The following RGS22 variants were observed in gnomAD, a reference collection of about 807,000 sequenced individuals.
RGS22 encodes the protein regulator of G-protein signaling 22.
A neutral mutation model predicts 172.9 loss-of-function variants in RGS22; 148 were observed. The observed-to-expected ratio is 0.86, with a 90% CI of 0.75 to 0.98. The LOEUF (loss-of-function observed/expected upper bound fraction) is 0.98, where lower values mean the gene tolerates loss of function less well. Ranked by LOEUF, RGS22 falls within the 50% of genes least tolerant of loss-of-function variation. The probability of loss-of-function intolerance (pLI) is 0.00; values close to 1 mark genes in which losing one functional copy is unlikely to be tolerated. For synonymous variants in RGS22, 458 were observed against 480.2 expected (o/e 0.95, Z 0.60); for missense variants, 1,347 against 1,440.8 (o/e 0.93, Z 1.05).
chr8:100,085,999 T>C (rs1812132097), intron 3 of RGS22, among the ~76,000 whole-genome samples: 1 of 152,162 alleles, frequency 6.6e-6, no homozygotes, highest in African/African-American at 2.4e-5. Context: ...ACTATTAATA[T>C]ATTCTGGAAA....
intron 14 of RGS22, among the ~76,000 whole-genome samples, chr8:100,029,352 T>G (rs1818515082): frequency 6.6e-6 from 1 of 152,072 alleles, no homozygotes; most frequent in Non-Finnish European, 1.5e-5. Flanking sequence ...ACAGAAGAGA[T>G]AACTAATGCA....
chr8:100,015,623 A>G (rs1358350267), intron 14 of RGS22, among the ~76,000 whole-genome samples: 1 of 152,126 alleles, frequency 6.6e-6, no homozygotes, highest in African/African-American at 2.4e-5. Context: ...TACCATTCAT[A>G]GTATAATTTT....
chr8:99,985,100 T>C (rs1046939242), intron 21 of RGS22, among the ~76,000 whole-genome samples: 1 of 152,180 alleles, frequency 6.6e-6, no homozygotes, highest in Non-Finnish European at 1.5e-5. Flanking sequence ...CACAGCTTAG[T>C]GGTTAAGGGC....
At chr8:99,964,398 G>A (rs1810510896) in intron 24 of RGS22, among the ~76,000 whole-genome samples, 1 of 149,112 alleles carries the variant, frequency 6.7e-6, no homozygotes, top group Non-Finnish European at 1.5e-5. Context: ...AGGCTGCAAA[G>A]AGCCCTTGCA....
At chr8:99,962,509 A>G in intron 26 of RGS22, 66 bp from the exon 27 acceptor site, 2 of 1,542,382 alleles carry the variant, frequency 1.3e-6, no homozygotes, top group African/African-American at 1.4e-5. Flanking sequence ...AGAGGAACAG[A>G]GACAGAGAGA....
Position 100,038,935 on chromosome 8 carries a change from G to A in RGS22, c.2162C>T (p.Ala721Val), listed in dbSNP as rs150732363. 161 of 1,601,978 alleles carry A rather than the reference G, an allele frequency of 1.0e-4. No homozygotes were observed. The African/African-American group carries it at 1.6e-3, about 16-fold the overall frequency. The part of the protein sequence containing the change: ...TLQPFKVCKQ[A>V]QYLFATYVAP... ...CCAATATTATTTACTACGTACTTGC[G>A]CTTGCTTGCATACTTTAAAAGGCTG... Residue 721 changes from alanine to valine, a missense_variant, in exon 14 of 28, where the codon GCG becomes GTG. Transcript: ENST00000360863.
rs1554629620 is a variant in RGS22 at position 100,060,419 on chromosome 8, T to TATATATATATATATATATATAC, written c.1514+2171_1514+2172insGTATATATATATATATATATAT. Among the ~76,000 whole-genome samples the TATATATATATATATATATATAC allele has an allele frequency of 2.2e-4, 28 of 128,078 alleles. 1 individual carries two copies. Among genetic ancestry groups the TATATATATATATATATATATAC allele is most frequent in the African/African-American group, 7.5e-4 (27 of 35,980 alleles). The allele number at this position is 128,078 out of a possible 152,430, so 84.0% of individuals were successfully genotyped here. A position where few individuals can be genotyped will look rare whatever the true frequency, so the allele number is the denominator to read the frequency against. ...AGCTACGTGTATATATATATATATA[T>TATATATATATATATATATATAC]ATACACACACACACACACACACGCA... On this transcript the variant is annotated intron_variant, in intron 9 of 27. Transcript: ENST00000360863.
intron 17 of RGS22, 61 bp from the exon 18 acceptor site, chr8:100,002,425 A>G: frequency 6.7e-7 from 1 of 1,492,310 alleles, no homozygotes; most frequent in East Asian, 2.4e-5. Context: ...ATTCTAGTAA[A>G]CACCCGATTG....
chr8:99,993,999 A>G (rs1814064358), intron 20 of RGS22, among the ~76,000 whole-genome samples: 1 of 152,228 alleles, frequency 6.6e-6, no homozygotes, highest in Non-Finnish European at 1.5e-5. Context: ...ACATAAACAG[A>G]AACAATCACA....
At chr8:100,044,262 G>GT (rs1820471963) in intron 11 of RGS22, among the ~76,000 whole-genome samples, 1 of 152,088 alleles carries the variant, frequency 6.6e-6, no homozygotes, top group Non-Finnish European at 1.5e-5. Flanking sequence ...TCGTTTGTTT[G>GT]TTTTTTGAGA....
intron 18 of RGS22, among the ~76,000 whole-genome samples, chr8:100,000,181 G>A (rs1355353796): frequency 6.6e-6 from 1 of 152,088 alleles, no homozygotes; most frequent in African/African-American, 2.4e-5. Context: ...ACCTGTTTCT[G>A]TGTACATACC....
rs1006909671 is a variant in RGS22 at position 100,039,897 on chromosome 8, T to TA, written c.2064+64_2064+65insT. On this transcript the variant is annotated intron_variant, in intron 13 of 27. Transcript: ENST00000360863. ...ATATAATTATGTGAGCACTTAATTA[T>TA]TTTGATGTCTCATTTTTAAATGAAG... 4.9e-6 allele frequency: 5 copies of TA among 1,014,042 alleles called. No individual in the cohort carries two copies. In the African/African-American group the frequency reaches 6.7e-5, roughly 14 times the overall value. 62.8% of individuals were successfully genotyped at this position (1,014,042 alleles called of 1,614,324 possible). A position where few individuals can be genotyped will look rare whatever the true frequency, so the allele number is the denominator to read the frequency against.
At chr8:99,990,039 G>A (rs1294373959) in intron 20 of RGS22, among the ~76,000 whole-genome samples, 2 of 152,028 alleles carry the variant, frequency 1.3e-5, no homozygotes, top group Non-Finnish European at 2.9e-5. Flanking sequence ...GTCATATGTT[G>A]GAATGCACAG....
At chr8:100,039,109 G>A (rs1177609244) in intron 13 of RGS22, 77 bp from the exon 14 acceptor site, 37 of 748,494 alleles carry the variant, frequency 4.9e-5, no homozygotes, top group Middle Eastern at 2.8e-4. Context: ...TCAAATATAA[G>A]TAACTGTTTA....
At chr8:100,087,128 A>C (rs778768240) in intron 3 of RGS22, among the ~76,000 whole-genome samples, 1 of 152,162 alleles carries the variant, frequency 6.6e-6, no homozygotes, top group Non-Finnish European at 1.5e-5. Context: ...AAACTCCTAT[A>C]GTTTAGTAAG....
At position 100,076,233 on chromosome 8, in the gene RGS22, CT is replaced by C. The variant is rs568193479; in HGVS notation, c.339+3900del. Reference sequence around the variant, plus strand: ...GTGAAAGTTTTGCATTTTGATTTATCTTTTTTTCCTTGTGCATTTGGTGTCA... The same window carrying C: ...GTGAAAGTTTTGCATTTTGATTTATCTTTTTTCCTTGTGCATTTGGTGTCA... On this transcript the variant is annotated intron_variant, in intron 4 of 27. Transcript: ENST00000360863. Among the ~76,000 whole-genome samples the C allele has an allele frequency of 3.3e-3, 499 of 152,156 alleles. 1 individual carries two copies. Among genetic ancestry groups the C allele is most frequent in the Non-Finnish European group, 5.6e-3 (384 of 67,996 alleles).
intron 11 of RGS22, among the ~76,000 whole-genome samples, chr8:100,044,250 G>A (rs181017039): frequency 6.6e-6 from 1 of 152,084 alleles, no homozygotes; most frequent in East Asian, 1.9e-4. Flanking sequence ...TTTTTTGTTT[G>A]TTCGTTTGTT....
chr8:99,990,543 A>T (rs1164100129), intron 20 of RGS22, among the ~76,000 whole-genome samples: 1 of 152,194 alleles, frequency 6.6e-6, no homozygotes, highest in East Asian at 1.9e-4. Context: ...TCTTGAAGAG[A>T]TGTATCAGAA....
intron 20 of RGS22, 31 bp from the exon 21 acceptor site, chr8:99,987,650 C>T (rs1813250805): frequency 6.8e-7 from 1 of 1,466,188 alleles, no homozygotes; most frequent in East Asian, 2.4e-5. Flanking sequence ...AGGAAATTAG[C>T]TCATTAATTA....
Sources: gnomAD v4.1 joint callset for allele counts (sites outside exome capture counted in the v4.1 genomes callset) on GRCh38, gnomAD v4.1.1 for gene constraint, MANE v1.5 for transcripts, NCBI Gene and HGNC (gene_info 2026-07-23, HGNC 2026-07-21) for gene names.